Variants in CALD1 observed in about 807,000 individuals in gnomAD.
CALD1 encodes the protein caldesmon.
Under a neutral mutation model 99.9 loss-of-function variants are expected in CALD1, and 33 were observed. The observed-to-expected ratio is 0.33, with a 90% CI of 0.25 to 0.44. The LOEUF (loss-of-function observed/expected upper bound fraction) is 0.44, where lower values mean the gene tolerates loss of function less well. CALD1 is among the 20% of genes least tolerant of loss of function. The pLI is 1.00. For synonymous variants in CALD1, 310 were observed against 325.0 expected (o/e 0.95, Z 0.50); for missense variants, 861 against 962.1 (o/e 0.89, Z 1.39).
intron 1 of CALD1, among the ~76,000 whole-genome samples, chr7:134,836,210 T>C (rs1237901611): frequency 6.6e-6 from 1 of 151,780 alleles, no homozygotes; most frequent in Non-Finnish European, 1.5e-5. Flanking sequence ...GTCCATCCTG[T>C]TTCCTCAGCT....
Position 134,907,757 on chromosome 7 carries a change from C to G in CALD1, c.72-20997C>G, listed in dbSNP as rs11560395. Among the ~76,000 whole-genome samples, 36 of 152,068 alleles carry G rather than the reference C, an allele frequency of 2.4e-4. 1 individual carries two copies. The highest frequency in any genetic ancestry group is 1.7e-3 in the South Asian group (8 of 4,812). ...GAGGATTTCATTTTTCCAGTCCCCC[C>G]CCGCCTTTTCATTTTTGATGAACTG... On this transcript the variant is annotated intron_variant, in intron 3 of 14. Coordinates refer to ENST00000361675, the MANE Select transcript of CALD1 (RefSeq NM_033138.4).
At chr7:134,863,581 C>T (rs1367523786) in intron 2 of CALD1, among the ~76,000 whole-genome samples, 1 of 152,196 alleles carries the variant, frequency 6.6e-6, no homozygotes, top group Non-Finnish European at 1.5e-5. Flanking sequence ...GCTTATCTGC[C>T]ACCAACACTG....
At chr7:134,769,210 G>A (rs1317028719) in intron 1 of CALD1, among the ~76,000 whole-genome samples, 2 of 151,918 alleles carry the variant, frequency 1.3e-5, no homozygotes, top group Admixed American at 1.3e-4. Flanking sequence ...AACAATGCTC[G>A]AATGAGCTTC....
chr7:134,804,380 T>C (rs1236791414), intron 1 of CALD1, among the ~76,000 whole-genome samples: 2 of 152,242 alleles, frequency 1.3e-5, no homozygotes, highest in Non-Finnish European at 2.9e-5. Flanking sequence ...TCAAACCCTT[T>C]TTAATACAGT....
chr7:134,962,983 T>A (rs1210403322), intron 13 of CALD1: 3 of 452,366 alleles, frequency 6.6e-6, no homozygotes, highest in African/African-American at 6.0e-5. Flanking sequence ...AACTTATAAC[T>A]CAGATGTTCA....
At chr7:134,806,860 T>C (rs113042408) in intron 1 of CALD1, among the ~76,000 whole-genome samples, 1 of 152,340 alleles carries the variant, frequency 6.6e-6, no homozygotes, top group African/African-American at 2.4e-5. Flanking sequence ...TCTGGTAGTT[T>C]TTCCTGTCAC....
At chr7:134,890,395 G>A (rs540817333) in intron 3 of CALD1, among the ~76,000 whole-genome samples, 4 of 152,296 alleles carry the variant, frequency 2.6e-5, no homozygotes, top group East Asian at 1.9e-4. Flanking sequence ...CCTTGTCTGC[G>A]TGTGACATGA....
upstream of CALD1, among the ~76,000 whole-genome samples, chr7:134,743,117 G>T (rs148837556): frequency 6.6e-6 from 1 of 152,338 alleles, no homozygotes; most frequent in East Asian, 1.9e-4. Flanking sequence ...TCTCAGAAGA[G>T]AGCTAGTGGG....
At chr7:134,907,751 TC>T (rs890970178) in intron 3 of CALD1, among the ~76,000 whole-genome samples, 16 of 151,032 alleles carry the variant, frequency 1.1e-4, no homozygotes, top group African/African-American at 2.9e-4. Context: ...ATTTTTCCAG[TC>T]CCCCCCCGCC....
intron 3 of CALD1, among the ~76,000 whole-genome samples, chr7:134,916,000 C>T (rs151152415): frequency 6.6e-6 from 1 of 152,290 alleles, no homozygotes; most frequent in African/African-American, 2.4e-5. Context: ...GGTTGACTGC[C>T]AAGTCCCCTG....
intron 3 of CALD1, among the ~76,000 whole-genome samples, chr7:134,917,961 T>C (rs1456183657): frequency 6.6e-6 from 1 of 152,238 alleles, no homozygotes; most frequent in South Asian, 2.1e-4. Context: ...TTTCCTTACA[T>C]ATTCTTTGTA....
the CALD1 span, among the ~76,000 whole-genome samples, chr7:134,718,886 C>A: frequency 6.6e-6 from 1 of 152,112 alleles, no homozygotes; most frequent in Non-Finnish European, 1.5e-5. Flanking sequence ...AGATGTCATA[C>A]CTAGATGAAT....
intron 3 of CALD1, among the ~76,000 whole-genome samples, chr7:134,871,186 T>G (rs1351289903): frequency 1.3e-5 from 2 of 152,230 alleles, no homozygotes; most frequent in African/African-American, 2.4e-5. Flanking sequence ...TTTACTACGA[T>G]CATATGTTAC....
intron 1 of CALD1, among the ~76,000 whole-genome samples, chr7:134,837,488 G>A (rs141920649): frequency 3.9e-5 from 6 of 152,038 alleles, no homozygotes; most frequent in Admixed American, 1.3e-4. Context: ...CATCACAGGC[G>A]CACACCACCA....
intron 2 of CALD1, among the ~76,000 whole-genome samples, chr7:134,849,321 T>G (rs1258426033): frequency 1.3e-5 from 2 of 152,210 alleles, no homozygotes; most frequent in Admixed American, 6.5e-5. Flanking sequence ...AACTTTTGTA[T>G]AGAATGTTGT....
chr7:134,876,326 A>C (rs568239277), intron 3 of CALD1, among the ~76,000 whole-genome samples: 1 of 152,230 alleles, frequency 6.6e-6, no homozygotes, highest in African/African-American at 2.4e-5. Context: ...AGCTGTTTGC[A>C]TAGTGTGGGC....
At chr7:134,841,463 C>G (rs528992765) in intron 1 of CALD1, among the ~76,000 whole-genome samples, 1 of 152,310 alleles carries the variant, frequency 6.6e-6, no homozygotes, top group African/African-American at 2.4e-5. Context: ...ACTTGCCATT[C>G]CTTTCCCATT....
Position 134,935,716 on chromosome 7 carries a change from C to G in CALD1, c.1337C>G (p.Ala446Gly). 1.9e-6 allele frequency: 3 copies of G among 1,604,382 alleles called. No individual in the cohort carries two copies. The highest frequency in any genetic ancestry group is 2.6e-6 in the Non-Finnish European group (3 of 1,176,186). Residue 446 changes from alanine to glycine, a missense_variant, in exon 6 of 15, where the codon GCT becomes GGT. By Grantham distance (60) the Ala-to-Gly change is moderately conservative. Around this residue, in one of 5 missense-constraint regions of CALD1, gnomAD observed 293 missense variants for 262.7 expected, o/e 1.12. Transcript: ENST00000361675. ...GAAGAGAAGGGAACTAAAGTGCAAG[C>G]TAAAAGAGAAAAGCTCCAAGAAGAC... is the stretch of plus-strand genomic sequence containing the variant. Reference protein sequence around the residue: ...QGEEKGTKVQAKREKLQEDKP... With the variant: ...QGEEKGTKVQGKREKLQEDKP...
intron 1 of CALD1, among the ~76,000 whole-genome samples, chr7:134,838,258 G>T (rs1422450963): frequency 6.6e-6 from 1 of 152,028 alleles, no homozygotes; most frequent in East Asian, 1.9e-4. Context: ...AAAATCAAGA[G>T]ATTCTCATAC....
Sources: gnomAD v4.1 joint callset for allele counts (sites outside exome capture counted in the v4.1 genomes callset) on GRCh38, gnomAD v4.1.1 for gene constraint, gnomAD v4.1.1 regional missense constraint, MANE v1.5 for transcripts, NCBI Gene and HGNC (gene_info 2026-07-23, HGNC 2026-07-21) for gene names.